The following RNF220 variants were observed in gnomAD, a reference collection of about 807,000 sequenced individuals.
The protein encoded by RNF220 is ring finger protein 220.
A neutral mutation model predicts 67.1 loss-of-function variants in RNF220; 7 were observed. The ratio of observed to expected loss-of-function variants is 0.10; its 90% CI spans 0.06 to 0.20. RNF220 has a LOEUF of 0.20. Among genes scored for constraint, RNF220 ranks in the 10% least tolerant of loss-of-function variants. The probability of loss-of-function intolerance (pLI) is 1.00; values close to 1 mark genes in which losing one functional copy is unlikely to be tolerated. For missense variants in RNF220, 565 were observed against 740.3 expected (o/e 0.76, Z 2.75); for synonymous variants, 270 against 283.2 (o/e 0.95, Z 0.47).
chr1:44,565,932 C>T lies in RNF220; in HGVS notation c.626-48233C>T, dbSNP rs1427214528. On this transcript the variant is annotated intron_variant, in intron 2 of 14. Transcript: ENST00000361799. The surrounding 1 kb of genome is among the most constrained non-coding windows in gnomAD (Gnocchi z 4.2). ...TGCTTCTCACTCCCCACCTCAGCCT[C>T]TCGCCCTCCCTCTCTGCTCCACATT... Among the ~76,000 whole-genome samples the T allele has an allele frequency of 6.6e-6, 1 of 152,164 alleles. No individual in the cohort carries two copies. Among genetic ancestry groups the T allele is most frequent in the Non-Finnish European group, 1.5e-5 (1 of 68,036 alleles).
At chr1:44,610,161 G>A (rs1643214077) in intron 2 of RNF220, among the ~76,000 whole-genome samples, 1 of 152,230 alleles carries the variant, frequency 6.6e-6, no homozygotes, top group Non-Finnish European at 1.5e-5. Flanking sequence ...GGGAGGGGAG[G>A]GGGCTGCGGG....
chr1:44,507,175 C>T (rs1022406036), intron 2 of RNF220, among the ~76,000 whole-genome samples: 3 of 152,188 alleles, frequency 2.0e-5, no homozygotes, highest in Admixed American at 6.5e-5. Context: ...CTTCTTCTAG[C>T]GGCCGGATCT....
In RNF220 at chr1:44,650,031, C is replaced by A. The variant is rs1450759980; in HGVS notation, c.1629+74C>A. 4 of 1,485,264 alleles carry A rather than the reference C, an allele frequency of 2.7e-6. No homozygotes were observed. The highest frequency in any genetic ancestry group is 3.7e-6 in the Non-Finnish European group (4 of 1,079,360). 92.0% of individuals were successfully genotyped at this position (1,485,264 alleles called of 1,614,324 possible). On this transcript the variant is annotated intron_variant, in intron 14 of 14. Coordinates refer to ENST00000361799, the MANE Select transcript of RNF220 (RefSeq NM_018150.4). This position sits in a 1 kb window ranked among gnomAD's most constrained non-coding sequence, Gnocchi z 4.3. Reference sequence around the variant, plus strand: ...CCAGATGTCTGTGCTTATGCCTGAGCCTGCCTGGGGGAAGTGGGGAGCATG... The same window carrying A: ...CCAGATGTCTGTGCTTATGCCTGAGACTGCCTGGGGGAAGTGGGGAGCATG...
At position 44,479,176 on chromosome 1, in the gene RNF220, C is replaced by T. The variant is rs575738373; in HGVS notation, c.625+66454C>T. On this transcript the variant is annotated intron_variant, in intron 2 of 14. Transcript: ENST00000361799. ...AGTCGCCCAGGCTGGGGTGCAGTGGCGCATTCTCGGCTCACTGCAACCTCC... is the reference window on the plus strand; with the variant it reads ...AGTCGCCCAGGCTGGGGTGCAGTGGTGCATTCTCGGCTCACTGCAACCTCC... Among the ~76,000 whole-genome samples the T allele has an allele frequency of 5.3e-5, 8 of 150,432 alleles. No individual in the cohort carries two copies. The East Asian group carries it at 7.8e-4, about 15-fold the overall frequency.
chr1:44,415,531 A>G (rs1055797295), intron 2 of RNF220, among the ~76,000 whole-genome samples: 1 of 152,216 alleles, frequency 6.6e-6, no homozygotes, highest in Non-Finnish European at 1.5e-5. Context: ...ACACGTGTAT[A>G]TATGTATATA....
intron 2 of RNF220, among the ~76,000 whole-genome samples, chr1:44,433,337 G>A (rs985307559): frequency 3.9e-5 from 6 of 152,186 alleles, no homozygotes; most frequent in Non-Finnish European, 7.4e-5. Flanking sequence ...GGCAAATTCA[G>A]CTTGATTTGG....
intron 5 of RNF220, among the ~76,000 whole-genome samples, chr1:44,629,496 A>G (rs566257425): frequency 7.1e-4 from 108 of 152,292 alleles, no homozygotes; most frequent in African/African-American, 2.5e-3. Context: ...AGATTTGCAG[A>G]TAGACAATTA....
chr1:44,609,629 G>C (rs915402677), intron 2 of RNF220, among the ~76,000 whole-genome samples: 2 of 152,212 alleles, frequency 1.3e-5, no homozygotes, highest in South Asian at 2.1e-4. Context: ...CCAACAGAGG[G>C]GGGCAGCAGA....
At chr1:44,647,508 G>A (rs1321945097) in intron 12 of RNF220, among the ~76,000 whole-genome samples, 1 of 140,478 alleles carries the variant, frequency 7.1e-6, no homozygotes, top group Non-Finnish European at 1.6e-5. Flanking sequence ...GCCAGTACCA[G>A]GAGGAAAGAG....
intron 2 of RNF220, among the ~76,000 whole-genome samples, chr1:44,552,511 AAACAAC>A (rs140651503): frequency 6.7e-6 from 1 of 149,402 alleles, no homozygotes; most frequent in East Asian, 2.0e-4. Flanking sequence ...ACAAACAGAC[AAACAAC>A]AACAACAACA....
chr1:44,639,306 A>G (rs4660816), intron 8 of RNF220, among the ~76,000 whole-genome samples: 35,638 of 152,220 alleles, frequency 0.23, 5,333 homozygotes, highest in Middle Eastern at 0.34. Flanking sequence ...GTGGTGAACC[A>G]TGGTCCCTCC....
chr1:44,595,004 C>G lies in RNF220; in HGVS notation c.626-19161C>G, dbSNP rs192537185. ...GAAGACAGCAGAGCCAGTGCCTCCC[C>G]ACTATGGAGCCGTTTAGTTAGGACC... On this transcript the variant is annotated intron_variant, in intron 2 of 14. Coordinates refer to ENST00000361799, the MANE Select transcript of RNF220 (RefSeq NM_018150.4). 1.9e-3 allele frequency among the ~76,000 whole-genome samples: 283 copies of G among 152,316 alleles called. 3 individuals carry two copies. The highest frequency in any genetic ancestry group is 3.4e-3 in the Non-Finnish European group (230 of 68,032).
chr1:44,598,513 A>C (rs1357277657), intron 2 of RNF220, among the ~76,000 whole-genome samples: 2 of 152,106 alleles, frequency 1.3e-5, no homozygotes, highest in African/African-American at 4.8e-5. Flanking sequence ...AAACCCTTAG[A>C]GCTTTCTTGG....
Position 44,568,504 on chromosome 1 carries a change from T to C in RNF220, c.626-45661T>C, listed in dbSNP as rs1055318946. On this transcript the variant is annotated intron_variant, in intron 2 of 14. Coordinates refer to ENST00000361799, the MANE Select transcript of RNF220 (RefSeq NM_018150.4). ...GGCCACATGGTAAATGTTTGTTTAA[T>C]GTCTGCCAAATAAATGAATGGGCAA... Among the ~76,000 whole-genome samples the C allele has an allele frequency of 1.2e-4, 19 of 152,376 alleles. No homozygotes were observed. In the South Asian group the frequency reaches 1.4e-3, roughly 12 times the overall value.
intron 2 of RNF220, among the ~76,000 whole-genome samples, chr1:44,427,072 A>G (rs12086851): frequency 0.14 from 21,366 of 152,220 alleles, 1,597 homozygotes; most frequent in Middle Eastern, 0.25. Flanking sequence ...TGAGTGCTTT[A>G]CAGGTAATAA....
intron 2 of RNF220, among the ~76,000 whole-genome samples, chr1:44,481,478 T>C (rs191355523): frequency 1.6e-3 from 250 of 151,700 alleles, no homozygotes; most frequent in African/African-American, 5.8e-3. Context: ...TAACTGAGAG[T>C]TGAACAATGA....
At chr1:44,642,063 C>T (rs1644503373) in intron 8 of RNF220, among the ~76,000 whole-genome samples, 1 of 152,228 alleles carries the variant, frequency 6.6e-6, no homozygotes, top group Non-Finnish European at 1.5e-5. Flanking sequence ...TGTGTGGCAC[C>T]AGCCATCAGC....
intron 2 of RNF220, among the ~76,000 whole-genome samples, chr1:44,579,029 G>A (rs1001813446): frequency 5.9e-5 from 9 of 151,802 alleles, no homozygotes; most frequent in South Asian, 2.1e-4. Context: ...ACAGGCAGGC[G>A]CCTGTAATCC....
intron 2 of RNF220, among the ~76,000 whole-genome samples, chr1:44,551,350 T>G (rs12071789): frequency 0.05 from 7,618 of 151,970 alleles, 549 homozygotes; most frequent in African/African-American, 0.15. Flanking sequence ...CCCGACCTCA[T>G]GTGATCCACC....
Sources: allele counts gnomAD v4.1 joint callset (sites outside exome capture counted in the v4.1 genomes callset), GRCh38; gene constraint gnomAD v4.1.1; non-coding constraint Gnocchi (gnomAD v3.1); transcripts MANE v1.5; gene names NCBI Gene and HGNC (gene_info 2026-07-23, HGNC 2026-07-21).